Variants in SLC30A4 observed in about 807,000 individuals in gnomAD.
SLC30A4 encodes the protein probable proton-coupled zinc antiporter SLC30A4.
Under a neutral mutation model 41.7 loss-of-function variants are expected in SLC30A4, and 20 were observed. The observed-to-expected ratio is 0.48, with a 90% CI of 0.34 to 0.70. The LOEUF is 0.70. Ranked by LOEUF, SLC30A4 falls within the 30% of genes least tolerant of loss-of-function variation. The pLI is 0.01. For synonymous variants in SLC30A4, 181 were observed against 195.9 expected (o/e 0.92, Z 0.64); for missense variants, 441 against 529.3 (o/e 0.83, Z 1.64).
Position 45,481,714 on chromosome 15 carries a change from G to T in SLC30A4, c.*3449C>A, listed in dbSNP as rs968238546. On this transcript the variant is annotated 3_prime_UTR_variant, in exon 8 of 8. Coordinates refer to ENST00000261867, the MANE Select transcript of SLC30A4 (RefSeq NM_013309.6). ...TCAACAAGTGAAGGATAGACCAAAC[G>T]CTTTTTGTCAGAAGTCATTCAGTCC... 25 of 152,150 alleles carry T rather than the reference G, an allele frequency of 1.6e-4. No individual in the cohort carries two copies. The highest frequency in any genetic ancestry group is 5.8e-4 in the African/African-American group (24 of 41,440). 9.4% of individuals were successfully genotyped at this position (152,150 alleles called of 1,614,324 possible).
chr15:45,499,593 G>T (rs1414655811), intron 3 of SLC30A4, among the ~76,000 whole-genome samples: 1 of 152,164 alleles, frequency 6.6e-6, no homozygotes, highest in Non-Finnish European at 1.5e-5. Flanking sequence ...GCAAGCGGGT[G>T]GAGCCTGTTC....
intron 4 of SLC30A4, among the ~76,000 whole-genome samples, chr15:45,489,652 G>T (rs1891773779): frequency 6.7e-6 from 1 of 149,106 alleles, no homozygotes. Context: ...ATAGCATTAG[G>T]AGATATACCT....
Position 45,522,485 on chromosome 15 carries a change from A to G in SLC30A4, c.-114-17T>C. The G allele has an allele frequency of 2.1e-6, 2 of 944,468 alleles. No individual in the cohort carries two copies. Among genetic ancestry groups the G allele is most frequent in the Non-Finnish European group, 3.1e-6 (2 of 654,902 alleles). 58.5% of individuals were successfully genotyped at this position (944,468 alleles called of 1,614,324 possible). ...CTCCCCATCCTGTGGAAAACGAAAC[A>G]CGTTATAAATTAAAGGCGCCCAACC... On this transcript the variant is annotated splice_polypyrimidine_tract_variant and intron_variant, in intron 1 of 7. Coordinates refer to ENST00000261867, the MANE Select transcript of SLC30A4 (RefSeq NM_013309.6).
chr15:45,501,716 G>A (rs192060844), intron 3 of SLC30A4, among the ~76,000 whole-genome samples: 87 of 152,226 alleles, frequency 5.7e-4, no homozygotes, highest in Non-Finnish European at 1.0e-3. Context: ...TGTTGCCCAG[G>A]CTGGTCTCAA....
chr15:45,494,758 T>C (rs188515314), intron 3 of SLC30A4, among the ~76,000 whole-genome samples: 1 of 152,284 alleles, frequency 6.6e-6, no homozygotes, highest in East Asian at 1.9e-4. Flanking sequence ...TAGAATCTCA[T>C]GTGCTTGTGG....
intron 7 of SLC30A4, among the ~76,000 whole-genome samples, chr15:45,486,259 G>A (rs1891704764): frequency 6.6e-6 from 1 of 152,136 alleles, no homozygotes; most frequent in African/African-American, 2.4e-5. Flanking sequence ...CTGACCTCAG[G>A]TGATCCACCC....
chr15:45,514,153 C>T (rs1892388786), intron 2 of SLC30A4, among the ~76,000 whole-genome samples: 1 of 152,060 alleles, frequency 6.6e-6, no homozygotes, highest in Non-Finnish European at 1.5e-5. Context: ...CGAGACCAGC[C>T]TGACCAATAT....
intron 2 of SLC30A4, among the ~76,000 whole-genome samples, chr15:45,511,568 C>T (rs946000693): frequency 1.3e-5 from 2 of 152,130 alleles, no homozygotes; most frequent in Non-Finnish European, 2.9e-5. Flanking sequence ...ACTGCAACCT[C>T]TGCCTTCTGG....
At position 45,481,525 on chromosome 15, in the gene SLC30A4, A is replaced by G. The variant is rs1295361072; in HGVS notation, c.*3638T>C. 6.6e-6 allele frequency: 1 copy of G among 152,224 alleles called. No homozygotes were observed. Among genetic ancestry groups the G allele is most frequent in the Non-Finnish European group, 1.5e-5 (1 of 68,032 alleles). The allele number at this position is 152,224 out of a possible 1,614,324, so 9.4% of individuals were successfully genotyped here. ...AATACTAATTAAAATATATCACACCAAAGAACTGCCAAGTTTTTATATTGT... is the reference window on the plus strand; with the variant it reads ...AATACTAATTAAAATATATCACACCGAAGAACTGCCAAGTTTTTATATTGT... On this transcript the variant is annotated 3_prime_UTR_variant, in exon 8 of 8. Transcript: ENST00000261867.
chr15:45,512,261 G>T (rs1892319776), intron 2 of SLC30A4: 1 of 152,030 alleles, frequency 6.6e-6, no homozygotes, highest in South Asian at 2.1e-4. Context: ...TCACCTGGAG[G>T]GCTTGTTAAA....
chr15:45,520,373 G>A (rs150385806), intron 2 of SLC30A4, among the ~76,000 whole-genome samples: 1 of 152,118 alleles, frequency 6.6e-6, no homozygotes, highest in East Asian at 1.9e-4. Context: ...GGGTTCAAGC[G>A]ATTCTCCTGC....
chr15:45,511,214 G>A lies in SLC30A4; in HGVS notation c.462C>T (p.Ile154=), dbSNP rs377032818. Reference sequence around the variant, plus strand: ...GCCACAAAGCAAGCAGGGTGAGTATGATGGCGCTTAGGTCAGTTAACATAT... The same window carrying A: ...GCCACAAAGCAAGCAGGGTGAGTATAATGGCGCTTAGGTCAGTTAACATAT... ...ALHMLTDLSA[I]ILTLLALWLS... is the part of the protein sequence containing the mutation. The change falls in exon 3 of 8, where the codon ATC becomes ATT. Residue 154 remains isoleucine (I), a synonymous_variant. Coordinates refer to ENST00000261867, the MANE Select transcript of SLC30A4 (RefSeq NM_013309.6). 45 of 1,613,240 alleles carry A rather than the reference G, an allele frequency of 2.8e-5. No individual in the cohort carries two copies. The highest frequency in any genetic ancestry group is 3.7e-5 in the Non-Finnish European group (44 of 1,179,410).
Position 45,484,765 on chromosome 15 carries a change from A to T in SLC30A4, c.*398T>A, listed in dbSNP as rs548220421. On this transcript the variant is annotated 3_prime_UTR_variant, in exon 8 of 8. Coordinates refer to ENST00000261867, the MANE Select transcript of SLC30A4 (RefSeq NM_013309.6). ...GGGTGTCGAGATTATTATACATAAT[A>T]AAAAAAATTCAGTTTTCCAGCACTG... 467 of 156,964 alleles carry T rather than the reference A, an allele frequency of 3.0e-3. 3 individuals carry two copies. The highest frequency in any genetic ancestry group is 0.011 in the African/African-American group (452 of 41,650). 9.7% of individuals were successfully genotyped at this position (156,964 alleles called of 1,614,324 possible).
At position 45,483,795 on chromosome 15, in the gene SLC30A4, G is replaced by A. The variant is rs2140806780; in HGVS notation, c.*1368C>T. On this transcript the variant is annotated 3_prime_UTR_variant, in exon 8 of 8. Coordinates refer to ENST00000261867, the MANE Select transcript of SLC30A4 (RefSeq NM_013309.6). ...GAGGCAGAAGAATCACTTGAACCCA[G>A]GAGGCAGAGGTTACAGTGAGCAGAG... is the stretch of plus-strand genomic sequence containing the variant. 1 of 152,412 alleles carries A rather than the reference G, an allele frequency of 6.6e-6. No individual in the cohort carries two copies. The highest frequency in any genetic ancestry group is 6.5e-5 in the Admixed American group (1 of 15,298). The allele number at this position is 152,412 out of a possible 1,614,324, so 9.4% of individuals were successfully genotyped here.
At chr15:45,521,537 T>C (rs1459756251) in intron 2 of SLC30A4, among the ~76,000 whole-genome samples, 2 of 144,908 alleles carry the variant, frequency 1.4e-5, no homozygotes, top group Non-Finnish European at 3.0e-5. Flanking sequence ...AATCCTTACA[T>C]GTAAAAAAAA....
At chr15:45,494,555 G>A (rs987265829) in intron 3 of SLC30A4, among the ~76,000 whole-genome samples, 1 of 152,078 alleles carries the variant, frequency 6.6e-6, no homozygotes, top group Admixed American at 6.5e-5. Context: ...CATGGTGGCA[G>A]CTGCCTGTAA....
At chr15:45,487,722 G>A in intron 5 of SLC30A4, 90 bp from the exon 6 acceptor site, 1 of 652,568 alleles carries the variant, frequency 1.5e-6, no homozygotes, top group South Asian at 2.0e-5. Context: ...CTTCTTGCTT[G>A]ATTTTCTTTA....
rs186024336 is a variant in SLC30A4, at chr15:45,499,751, A to G, written c.539-8870T>C. Among the ~76,000 whole-genome samples, 6 of 152,362 alleles carry G rather than the reference A, an allele frequency of 3.9e-5. No individual in the cohort carries two copies. In the East Asian group the frequency reaches 1.2e-3, roughly 29 times the overall value. ...AGCATGCCCACAATCAAATAAATCC[A>G]GGCATTTAAAAATAACTCGCATATG... On this transcript the variant is annotated intron_variant, in intron 3 of 7. Coordinates refer to ENST00000261867, the MANE Select transcript of SLC30A4 (RefSeq NM_013309.6).
intron 3 of SLC30A4, among the ~76,000 whole-genome samples, chr15:45,510,370 T>C (rs1892259421): frequency 6.6e-6 from 1 of 152,208 alleles, no homozygotes; most frequent in South Asian, 2.1e-4. Context: ...TTGATTGATA[T>C]ATTAGCCAGG....
Sources: allele counts gnomAD v4.1 joint callset (sites outside exome capture counted in the v4.1 genomes callset), GRCh38; gene constraint gnomAD v4.1.1; transcripts MANE v1.5; gene names NCBI Gene and HGNC (gene_info 2026-07-23, HGNC 2026-07-21).